PCGF3: variants seen among roughly 807,000 people sequenced by gnomAD.
PCGF3 encodes polycomb group RING finger protein 3.
A neutral mutation model predicts 33.1 loss-of-function variants in PCGF3; 7 were observed. That is an observed-to-expected ratio of 0.21 (90% CI 0.12 to 0.40). The LOEUF is 0.40. PCGF3 is among the 10% of genes least tolerant of loss of function. PCGF3 has a pLI of 1.00. For synonymous variants in PCGF3, 153 were observed against 121.3 expected (o/e 1.26, Z -1.72); for missense variants, 211 against 313.3 (o/e 0.67, Z 2.46).
In PCGF3 at chr4:720,174, T is replaced by C. The variant is rs1743014433; in HGVS notation, c.-189-10456T>C. 6.6e-6 allele frequency among the ~76,000 whole-genome samples: 1 copy of C among 152,156 alleles called. No homozygotes were observed. The highest frequency in any genetic ancestry group is 1.5e-5 in the Non-Finnish European group (1 of 68,034). On this transcript the variant is annotated intron_variant, in intron 1 of 10. Coordinates refer to ENST00000362003, the Ensembl canonical transcript of PCGF3. The surrounding 1 kb of genome is among the most constrained non-coding windows in gnomAD (Gnocchi z 5.6). ...CCTCATGAGGACGCCGATGTGGCCC[T>C]GCTGCCGGAGTATGCCAAGCACGAG...
At chr4:760,845 C>T (rs187001721) in intron 8 of PCGF3, among the ~76,000 whole-genome samples, 58 of 152,354 alleles carry the variant, frequency 3.8e-4, no homozygotes, top group Admixed American at 2.5e-3. Context: ...TGTGACCTTC[C>T]GCCTGTGGCC....
chr4:761,522 G>C, intron 9 of PCGF3, 106 bp downstream of exon 9: 1 of 1,432,636 alleles, frequency 7.0e-7, no homozygotes, highest in Non-Finnish European at 9.3e-7. Flanking sequence ...CAATTTTGGA[G>C]ATTTTAACCA....
intron 8 of PCGF3, chr4:756,977 T>A (rs1194008545): frequency 6.6e-6 from 1 of 152,228 alleles, no homozygotes; most frequent in East Asian, 1.9e-4. Flanking sequence ...AGAAGCATGC[T>A]TGTAACTTAG....
At chr4:734,685 T>TC (rs1385558159) in intron 4 of PCGF3, 11 of 1,314,232 alleles carry the variant, frequency 8.4e-6, no homozygotes, top group African/African-American at 1.5e-5. Flanking sequence ...TAAGTTTTTT[T>TC]CCCACTTAAT....
chr4:749,647 C>T (rs981446893), intron 8 of PCGF3, among the ~76,000 whole-genome samples: 5 of 151,522 alleles, frequency 3.3e-5, no homozygotes, highest in African/African-American at 7.3e-5. Context: ...CCACCACACC[C>T]GGCTAATTTT....
At chr4:741,476 A>C (rs1744087489) in intron 6 of PCGF3, among the ~76,000 whole-genome samples, 2 of 152,234 alleles carry the variant, frequency 1.3e-5, no homozygotes, top group South Asian at 4.1e-4. Flanking sequence ...GCACGATCTC[A>C]GCTCACTGCA....
intron 8 of PCGF3, among the ~76,000 whole-genome samples, chr4:756,261 G>A (rs1577438792): frequency 6.8e-6 from 1 of 147,982 alleles, no homozygotes; most frequent in Non-Finnish European, 1.5e-5. Flanking sequence ...CGCCCAGGCT[G>A]GAGTGTGGGG....
At chr4:761,551 C>T (rs911472541) in intron 9 of PCGF3, 135 bp downstream of exon 9, 6 of 1,393,484 alleles carry the variant, frequency 4.3e-6, no homozygotes, top group Non-Finnish European at 5.8e-6. Context: ...TCCGTTTTGC[C>T]TGCTTCACCG....
chr4:768,901 T>C (rs947452980), exon 11 of PCGF3: 10 of 152,710 alleles, frequency 6.5e-5, no homozygotes, highest in Non-Finnish European at 1.3e-4. Context: ...TGCAATAGGT[T>C]CCAATATGCA....
exon 10 of PCGF3, chr4:765,060 T>A: frequency 1.9e-6 from 3 of 1,607,816 alleles, no homozygotes; most frequent in Non-Finnish European, 2.6e-6. Context: ...AGGTGGAGAT[T>A]CAAGGTGAGA....
intron 4 of PCGF3, 110 bp from the exon 5 acceptor site, chr4:734,821 G>A (rs978227239): frequency 6.8e-7 from 1 of 1,476,296 alleles, no homozygotes; most frequent in Admixed American, 2.2e-5. Context: ...ACAGCAGTGA[G>A]CATCTGCACA....
chr4:721,643 C>T lies in PCGF3; in HGVS notation c.-189-8987C>T, dbSNP rs1270593408. ...GGTGAGCGGGGCTGCTGAACGCAGG[C>T]CCCAGGGCCTGTAGGACCCTTAGGG... On this transcript the variant is annotated intron_variant, in intron 1 of 10. Transcript: ENST00000362003. The surrounding 1 kb of genome is among the most constrained non-coding windows in gnomAD (Gnocchi z 4.1). Among the ~76,000 whole-genome samples the T allele has an allele frequency of 6.6e-6, 1 of 152,108 alleles. No individual in the cohort carries two copies. The highest frequency in any genetic ancestry group is 1.5e-5 in the Non-Finnish European group (1 of 68,028).
Position 719,278 on chromosome 4 carries a change from T to G in PCGF3, c.-189-11352T>G, listed in dbSNP as rs1262740540. Among the ~76,000 whole-genome samples, 4 of 152,296 alleles carry G rather than the reference T, an allele frequency of 2.6e-5. No individual in the cohort carries two copies. The South Asian group carries it at 8.3e-4, about 32-fold the overall frequency. ...GTTTTTCATTTTCTTAAAAAAACTTTTAGGGTGACATAGCTGTGCAGAGAA... is the reference window on the plus strand; with the variant it reads ...GTTTTTCATTTTCTTAAAAAAACTTGTAGGGTGACATAGCTGTGCAGAGAA... On this transcript the variant is annotated intron_variant, in intron 1 of 10. Coordinates refer to ENST00000362003, the Ensembl canonical transcript of PCGF3.
At chr4:754,837 C>T (rs889066647) in intron 8 of PCGF3, among the ~76,000 whole-genome samples, 7 of 152,186 alleles carry the variant, frequency 4.6e-5, no homozygotes, top group Admixed American at 2.6e-4. Context: ...ACCAGGCAGG[C>T]GTCTGAGCCA....
chr4:761,745 A>G (rs964291875), intron 9 of PCGF3: 1 of 985,458 alleles, frequency 1.0e-6, no homozygotes, highest in African/African-American at 1.7e-5. Context: ...ACATGGGCGG[A>G]TGCAGAGAGG....
At chr4:709,464 A>G (rs1257365275) in intron 1 of PCGF3, among the ~76,000 whole-genome samples, 1 of 152,154 alleles carries the variant, frequency 6.6e-6, no homozygotes, top group Non-Finnish European at 1.5e-5. Context: ...ATCCATGAGC[A>G]AATGAATGAA....
intron 9 of PCGF3, chr4:762,026 T>G: frequency 1.0e-6 from 1 of 985,236 alleles, no homozygotes; most frequent in Non-Finnish European, 1.2e-6. Context: ...CGCCAGGAGT[T>G]GCAGGAGAGG....
chr4:738,895 C>T (rs777451599), intron 6 of PCGF3, among the ~76,000 whole-genome samples: 8 of 145,290 alleles, frequency 5.5e-5, no homozygotes, highest in African/African-American at 1.3e-4. Context: ...TGCACTGGAG[C>T]GTTTCAAACG....
At chr4:765,962 T>TC in intron 10 of PCGF3, 70 bp from the exon 11 acceptor site, 1 of 1,409,006 alleles carries the variant, frequency 7.1e-7, no homozygotes, top group Middle Eastern at 1.8e-4. Flanking sequence ...TCAGCACCCT[T>TC]CCCGATGAAG....
Sources: gnomAD v4.1 joint callset for allele counts (sites outside exome capture counted in the v4.1 genomes callset) on GRCh38, gnomAD v4.1.1 for gene constraint, Gnocchi (gnomAD v3.1) non-coding constraint, MANE v1.5 for transcripts, NCBI Gene and HGNC (gene_info 2026-07-23, HGNC 2026-07-21) for gene names.